Variants in TUT7 observed in about 807,000 individuals in gnomAD.
TUT7 encodes terminal uridylyltransferase 7.
In TUT7, 33 loss-of-function variants were observed where a neutral mutation model predicts 165.9. The observed-to-expected ratio is 0.20, with a 90% CI of 0.15 to 0.27. TUT7 has a LOEUF of 0.27. TUT7 is among the 10% of genes least tolerant of loss of function. The pLI is 1.00. For synonymous variants in TUT7, 552 were observed against 608.1 expected (o/e 0.91, Z 1.36); for missense variants, 1,338 against 1,762.3 (o/e 0.76, Z 4.31).
At chr9:86,345,207 T>C (rs1350517386) in intron 4 of TUT7, 53 bp from the exon 5 acceptor site, 2 of 1,535,386 alleles carry the variant, frequency 1.3e-6, no homozygotes, top group Non-Finnish European at 1.8e-6. Context: ...GTTTTGACCT[T>C]CTACCACTCA....
rs1457883805 is a variant in TUT7 at position 86,309,940 on chromosome 9, T to C, written c.3456A>G (p.Lys1152=). The change falls in exon 19 of 27, where the codon AAA becomes AAG. Residue 1152 remains lysine (K), a synonymous_variant. Coordinates refer to ENST00000375963, the MANE Select transcript of TUT7 (RefSeq NM_024617.4). ...PRVKYLCYTM[K]VFTKMCDIGD... ...GAAGCATACTCACCTTTGTAAATAC[T>C]TTCATGGTATAGCACAAATACTTCA... The C allele has an allele frequency of 6.2e-7, 1 of 1,613,802 alleles. No individual in the cohort carries two copies. Among genetic ancestry groups the C allele is most frequent in the Admixed American group, 1.7e-5 (1 of 60,008 alleles).
chr9:86,314,152 T>TCAGA (rs1424071828), intron 17 of TUT7, among the ~76,000 whole-genome samples: 1 of 152,176 alleles, frequency 6.6e-6, no homozygotes, highest in Middle Eastern at 3.2e-3. Flanking sequence ...GAATTTAAAA[T>TCAGA]CAGAGTCTGA....
chr9:86,341,718 A>C (rs1054249170), intron 6 of TUT7, among the ~76,000 whole-genome samples: 1 of 151,916 alleles, frequency 6.6e-6, no homozygotes, highest in Non-Finnish European at 1.5e-5. Context: ...CCCTGCCTGA[A>C]ACTCTTTTCC....
chr9:86,295,834 TAGAC>T (rs986228062), intron 26 of TUT7, among the ~76,000 whole-genome samples: 5 of 140,842 alleles, frequency 3.6e-5, no homozygotes, highest in East Asian at 2.1e-4. Context: ...AATAAATAAA[TAGAC>T]AGAGGTAGTT....
rs1024180506 is a variant in TUT7, at chr9:86,346,583, C to T, written c.521-103G>A. ...TTAAATCATGTGAGAGAATAAATCA[C>T]ATCTGCATGCAGAGCAGAAGGAAAG... On this transcript the variant is annotated intron_variant, in intron 2 of 26. Transcript: ENST00000375963. 1.2e-4 allele frequency: 137 copies of T among 1,176,834 alleles called. 1 individual carries two copies. In the Admixed American group the frequency reaches 3.0e-3, roughly 26 times the overall value. 72.9% of individuals were successfully genotyped at this position (1,176,834 alleles called of 1,614,324 possible). A position where few individuals can be genotyped will look rare whatever the true frequency, so the allele number is the denominator to read the frequency against.
At chr9:86,329,756 C>T (rs1830134082) in intron 10 of TUT7, among the ~76,000 whole-genome samples, 2 of 152,096 alleles carry the variant, frequency 1.3e-5, no homozygotes, top group South Asian at 4.1e-4. Flanking sequence ...CCTGAGTAAC[C>T]TGGCTCTTTT....
At chr9:86,303,505 G>C (rs185705524) in intron 24 of TUT7, among the ~76,000 whole-genome samples, 39 of 152,242 alleles carry the variant, frequency 2.6e-4, no homozygotes, top group African/African-American at 9.4e-4. Flanking sequence ...GGATGTGGGA[G>C]GGAGTTGAGG....
At chr9:86,308,397 C>T in intron 22 of TUT7, 32 bp downstream of exon 22, 1 of 1,582,252 alleles carries the variant, frequency 6.3e-7, no homozygotes. Context: ...GCTCTATAGT[C>T]TATTCGACTT....
At chr9:86,318,182 C>G (rs1344501203) in intron 16 of TUT7, among the ~76,000 whole-genome samples, 1 of 152,228 alleles carries the variant, frequency 6.6e-6, no homozygotes, top group Non-Finnish European at 1.5e-5. Context: ...AGGGACTCAG[C>G]ACTTCCTAGA....
At chr9:86,301,139 CT>C (rs1349396233) in intron 26 of TUT7, 136 bp downstream of exon 26, 2 of 832,468 alleles carry the variant, frequency 2.4e-6, no homozygotes, top group African/African-American at 3.5e-5. Context: ...AGGGATTTTA[CT>C]TTCTTAAAAA....
rs201584136 is a variant in TUT7 at position 86,310,061 on chromosome 9, A to G, written c.3379-44T>C. The G allele has an allele frequency of 1.9e-4, 282 of 1,475,496 alleles. 3 individuals are homozygous for G. The East Asian group carries it at 6.7e-3, about 35-fold the overall frequency. 91.4% of individuals were successfully genotyped at this position (1,475,496 alleles called of 1,614,324 possible). On this transcript the variant is annotated intron_variant, in intron 18 of 26. Coordinates refer to ENST00000375963, the MANE Select transcript of TUT7 (RefSeq NM_024617.4). ...CACTATAAGACTAACAATGAAGTGT[A>G]AAGGGTCTCTTTTTTTTTTTTGGTT...
rs1428082460 is a variant in TUT7, at chr9:86,310,797, A to G, written c.3287T>C (p.Ile1096Thr). Residue 1096 changes from isoleucine (I) to threonine (T), a missense_variant, in exon 18 of 27, where the codon ATC (isoleucine) becomes ACC (threonine). Transcript: ENST00000375963. Reference protein sequence around the residue: ...VLRKHSGLRNILPITTAKVPI... With the variant: ...VLRKHSGLRNTLPITTAKVPI... Reference sequence around the variant, plus strand: ...CACCTTTGCTGTTGTAATAGGTAAGATGTTTCTCAGACCTAAGTTGGGAAA... The same window carrying G: ...CACCTTTGCTGTTGTAATAGGTAAGGTGTTTCTCAGACCTAAGTTGGGAAA... 2 of 1,606,916 alleles carry G rather than the reference A, an allele frequency of 1.2e-6. No individual in the cohort carries two copies. Among genetic ancestry groups the G allele is most frequent in the African/African-American group, 2.7e-5 (2 of 74,784 alleles).
chr9:86,318,704 T>C (rs982273072), intron 16 of TUT7, among the ~76,000 whole-genome samples: 4 of 152,126 alleles, frequency 2.6e-5, no homozygotes, highest in Non-Finnish European at 5.9e-5. Context: ...AAGAGGCTGG[T>C]TTGGCTATGT....
chr9:86,288,889 G>C, intron 26 of TUT7, 145 bp from the exon 27 acceptor site: 1 of 598,212 alleles, frequency 1.7e-6, no homozygotes, highest in South Asian at 2.2e-5. Context: ...AATAAGACTT[G>C]ATATTGAAAA....
intron 8 of TUT7, among the ~76,000 whole-genome samples, chr9:86,339,411 G>C (rs150443559): frequency 4.6e-5 from 7 of 152,058 alleles, no homozygotes; most frequent in Non-Finnish European, 1.5e-5. Context: ...CCAACTACTC[G>C]GAAGTCTGAG....
chr9:86,328,311 C>A, intron 11 of TUT7, 29 bp downstream of exon 11: 2 of 1,529,712 alleles, frequency 1.3e-6, no homozygotes, highest in Non-Finnish European at 1.8e-6. Context: ...GCAAGTGAAA[C>A]TGACAACTAG....
At chr9:86,305,343 T>TC in intron 22 of TUT7, 104 bp from the exon 23 acceptor site, 1 of 760,176 alleles carries the variant, frequency 1.3e-6, no homozygotes, top group Non-Finnish European at 2.1e-6. Flanking sequence ...TCATCTACTT[T>TC]GCTTATCATT....
intron 7 of TUT7, among the ~76,000 whole-genome samples, chr9:86,340,674 A>G (rs1241837329): frequency 6.6e-6 from 1 of 152,244 alleles, no homozygotes; most frequent in African/African-American, 2.4e-5. Flanking sequence ...TACTGATTTT[A>G]ACCATTGATA....
At chr9:86,318,342 T>C (rs1021314629) in intron 16 of TUT7, among the ~76,000 whole-genome samples, 3 of 152,314 alleles carry the variant, frequency 2.0e-5, no homozygotes, top group Admixed American at 2.0e-4. Flanking sequence ...ACATTACATA[T>C]GTGAATGGGT....
Sources: gnomAD v4.1 joint callset for allele counts (sites outside exome capture counted in the v4.1 genomes callset) on GRCh38, gnomAD v4.1.1 for gene constraint, MANE v1.5 for transcripts, NCBI Gene and HGNC (gene_info 2026-07-23, HGNC 2026-07-21) for gene names.